The following LRRTM4 variants were observed in gnomAD, a reference collection of about 807,000 sequenced individuals.
The protein encoded by LRRTM4 is leucine-rich repeat transmembrane neuronal protein 4.
In LRRTM4, 25 loss-of-function variants were observed where a neutral mutation model predicts 47.6. The ratio of observed to expected loss-of-function variants is 0.53; its 90% CI spans 0.38 to 0.73. The LOEUF (loss-of-function observed/expected upper bound fraction) is 0.73. LRRTM4 is among the 30% of genes least tolerant of loss of function. LRRTM4 has a pLI of 0.00. For synonymous variants in LRRTM4, 311 were observed against 269.5 expected, an observed-to-expected ratio of 1.15 and a Z score of -1.51; for missense variants, 638 against 713.4, an observed-to-expected ratio of 0.89 and a Z score of 1.20.
intron 3 of LRRTM4, among the ~76,000 whole-genome samples, chr2:76,936,757 C>T (rs1400450091): frequency 1.3e-5 from 2 of 150,606 alleles, no homozygotes; most frequent in East Asian, 2.0e-4. Flanking sequence ...GAGTTGGAGA[C>T]CAGTCTGGCC....
chr2:77,054,226 C>A (rs911316525), intron 3 of LRRTM4, among the ~76,000 whole-genome samples: 3 of 150,292 alleles, frequency 2.0e-5, no homozygotes, highest in Non-Finnish European at 4.4e-5. Flanking sequence ...AAGCTTCTAG[C>A]CAAATGTGCA....
chr2:77,450,596 G>A (rs1452883686), intron 3 of LRRTM4, among the ~76,000 whole-genome samples: 1 of 151,898 alleles, frequency 6.6e-6, no homozygotes, highest in Non-Finnish European at 1.5e-5. Flanking sequence ...AACTACTATT[G>A]TTGCCTCTCT....
chr2:76,945,529 T>C (rs938477712), intron 3 of LRRTM4, among the ~76,000 whole-genome samples: 4 of 152,018 alleles, frequency 2.6e-5, no homozygotes, highest in Non-Finnish European at 4.4e-5. Context: ...TTAAATAGCT[T>C]TCCACAGAAA....
At chr2:76,957,359 A>G (rs185968230) in intron 3 of LRRTM4, among the ~76,000 whole-genome samples, 168 of 151,834 alleles carry the variant, frequency 1.1e-3, no homozygotes, top group African/African-American at 3.9e-3. Context: ...ATAGTTAACA[A>G]TGTTTTACTG....
intron 3 of LRRTM4, among the ~76,000 whole-genome samples, chr2:76,877,421 A>G (rs1201528632): frequency 6.6e-6 from 1 of 151,976 alleles, no homozygotes; most frequent in Non-Finnish European, 1.5e-5. Context: ...TTTATGAACA[A>G]TGGTTAATCA....
chr2:76,935,099 C>CA (rs1347062725), intron 3 of LRRTM4, among the ~76,000 whole-genome samples: 1 of 152,038 alleles, frequency 6.6e-6, no homozygotes, highest in Non-Finnish European at 1.5e-5. Context: ...GGTCTCAATA[C>CA]AAGCCTATTA....
At chr2:77,436,517 T>A (rs2103917488) in intron 3 of LRRTM4, among the ~76,000 whole-genome samples, 1 of 151,974 alleles carries the variant, frequency 6.6e-6, no homozygotes, top group African/African-American at 2.4e-5. Context: ...AGCTTGATGT[T>A]AGGAGAAAGT....
intron 3 of LRRTM4, among the ~76,000 whole-genome samples, chr2:77,164,291 G>T (rs1672817170): frequency 6.6e-6 from 1 of 152,080 alleles, no homozygotes. Context: ...CCCAATACAG[G>T]AGCACCCAGA....
At position 76,961,565 on chromosome 2, in the gene LRRTM4, C is replaced by A. The variant is rs937013998; in HGVS notation, c.1552-212649G>T. Among the ~76,000 whole-genome samples the A allele has an allele frequency of 4.0e-5, 6 of 151,256 alleles. No homozygotes were observed. In the Admixed American group the frequency reaches 4.0e-4, roughly 10 times the overall value. On this transcript the variant is annotated intron_variant, in intron 3 of 3. Coordinates refer to ENST00000409884, the MANE Select transcript of LRRTM4 (RefSeq NM_001134745.3). ...GTGAGAAAAGAAGCATCCTGGGCAA[C>A]CTAAGCACTTAAACAGAGAGACCTA...
intron 3 of LRRTM4, among the ~76,000 whole-genome samples, chr2:77,129,536 A>T (rs183655202): frequency 6.6e-6 from 1 of 152,326 alleles, no homozygotes; most frequent in East Asian, 1.9e-4. Flanking sequence ...GCTTCATTTC[A>T]TCCTCATCAG....
intron 3 of LRRTM4, among the ~76,000 whole-genome samples, chr2:77,222,637 C>T (rs1245824368): frequency 6.6e-6 from 1 of 152,136 alleles, no homozygotes; most frequent in Non-Finnish European, 1.5e-5. Context: ...AACACATACA[C>T]TCTTCCAAGA....
At chr2:77,015,326 T>TCC (rs1678022927) in intron 3 of LRRTM4, among the ~76,000 whole-genome samples, 1 of 151,996 alleles carries the variant, frequency 6.6e-6, no homozygotes, top group African/African-American at 2.4e-5. Context: ...AAGTTGTACT[T>TCC]TATTTATTTA....
chr2:77,186,772 AAAT>A (rs1673515919), intron 3 of LRRTM4, among the ~76,000 whole-genome samples: 4 of 152,150 alleles, frequency 2.6e-5, no homozygotes, highest in Admixed American at 2.6e-4. Context: ...TATACTGAGC[AAAT>A]AATAATTGGG....
At chr2:77,109,050 C>T (rs1171791652) in intron 3 of LRRTM4, among the ~76,000 whole-genome samples, 1 of 152,120 alleles carries the variant, frequency 6.6e-6, no homozygotes, top group Non-Finnish European at 1.5e-5. Context: ...AAGCCTAGTG[C>T]TGAAGCGTAC....
At chr2:76,764,712 G>GA (rs1348363637) in intron 3 of LRRTM4, among the ~76,000 whole-genome samples, 1 of 152,198 alleles carries the variant, frequency 6.6e-6, no homozygotes, top group African/African-American at 2.4e-5. Context: ...GAGAAAGTGG[G>GA]AAAGAATGAA....
intron 3 of LRRTM4, among the ~76,000 whole-genome samples, chr2:77,017,385 T>C (rs1392358239): frequency 6.6e-6 from 1 of 152,222 alleles, no homozygotes; most frequent in African/African-American, 2.4e-5. Flanking sequence ...GCCATCCTTA[T>C]TGGCCTCATA....
chr2:77,087,340 C>CA (rs1680752048), intron 3 of LRRTM4, among the ~76,000 whole-genome samples: 2 of 152,134 alleles, frequency 1.3e-5, no homozygotes, highest in African/African-American at 4.8e-5. Flanking sequence ...CTGGTAGAAA[C>CA]AAAAAATCTC....
At chr2:77,457,131 C>T (rs886699221) in intron 3 of LRRTM4, among the ~76,000 whole-genome samples, 2 of 146,616 alleles carry the variant, frequency 1.4e-5, no homozygotes, top group East Asian at 2.1e-4. Flanking sequence ...TTTAAAAATA[C>T]TAGTTATAGG....
chr2:76,898,211 A>C (rs1673490113), intron 3 of LRRTM4, among the ~76,000 whole-genome samples: 1 of 151,692 alleles, frequency 6.6e-6, no homozygotes, highest in Admixed American at 6.6e-5. Context: ...CTTGCTTTTA[A>C]ATTCATGAGA....
Sources: gnomAD v4.1 joint callset for allele counts (sites outside exome capture counted in the v4.1 genomes callset) on GRCh38, gnomAD v4.1.1 for gene constraint, MANE v1.5 for transcripts, NCBI Gene and HGNC (gene_info 2026-07-23, HGNC 2026-07-21) for gene names.